The following VDAC3 variants were observed in gnomAD, a reference collection of about 807,000 sequenced individuals.
VDAC3 encodes the protein non-selective voltage-gated ion channel VDAC3.
VDAC3 carries 7 observed loss-of-function variants against 33.9 expected under a neutral mutation model. That is an observed-to-expected ratio of 0.21 (90% CI 0.12 to 0.39). VDAC3 has a LOEUF of 0.39. Ranked by LOEUF, VDAC3 falls within the 10% of genes least tolerant of loss-of-function variation. The pLI is 1.00. For synonymous variants in VDAC3, 100 were observed against 122.4 expected, an observed-to-expected ratio of 0.82 and a Z score of 1.21; for missense variants, 261 against 334.5, an observed-to-expected ratio of 0.78 and a Z score of 1.71.
At position 42,396,582 on chromosome 8, in the gene VDAC3, G is replaced by A. The variant is rs533552977; in HGVS notation, c.117+1449G>A. 4 of 666,078 alleles carry A rather than the reference G, an allele frequency of 6.0e-6. No homozygotes were observed. In the Admixed American group the frequency reaches 1.0e-4, roughly 17 times the overall value. 41.3% of individuals were successfully genotyped at this position (666,078 alleles called of 1,614,324 possible). A position where few individuals can be genotyped will look rare whatever the true frequency, so the allele number is the denominator to read the frequency against. ...GAAGAATCATTCTCATTTTGTGTAG[G>A]TTCCAGAATTTGCTCATTAGGTTTG... is the stretch of plus-strand genomic sequence containing the variant. On this transcript the variant is annotated intron_variant, in intron 4 of 9. Coordinates refer to ENST00000022615, the MANE Select transcript of VDAC3 (RefSeq NM_005662.7).
chr8:42,400,120 G>A (rs1313544410), intron 6 of VDAC3, among the ~76,000 whole-genome samples: 1 of 152,108 alleles, frequency 6.6e-6, no homozygotes, highest in African/African-American at 2.4e-5. Context: ...GGCGGATCAT[G>A]AGGTCCGGAG....
At chr8:42,394,115 A>C in intron 2 of VDAC3, 95 bp from the exon 3 acceptor site, 1 of 1,074,730 alleles carries the variant, frequency 9.3e-7, no homozygotes, top group Non-Finnish European at 1.4e-6. Context: ...AGAAAACTGT[A>C]TACCCCTTCT....
intron 3 of VDAC3, 54 bp downstream of exon 3, chr8:42,394,332 C>T: frequency 5.6e-6 from 8 of 1,441,266 alleles, no homozygotes; most frequent in Non-Finnish European, 7.8e-6. Flanking sequence ...TGTTGAATGC[C>T]TACTGTGTGT....
Position 42,395,141 on chromosome 8 carries a change from T to C in VDAC3, c.117+8T>C. 6.2e-7 allele frequency: 1 copy of C among 1,613,792 alleles called. No individual in the cohort carries two copies. The highest frequency in any genetic ancestry group is 2.2e-5 in the East Asian group (1 of 44,822). On this transcript the variant is annotated splice_region_variant and intron_variant, in intron 4 of 9. Transcript: ENST00000022615. ...AAGTCTTGTAGTGGAGTGGTGAGTATCTAATATATTTTTAATGAATGTAAC... is the reference window on the plus strand; with the variant it reads ...AAGTCTTGTAGTGGAGTGGTGAGTACCTAATATATTTTTAATGAATGTAAC...
chr8:42,404,611 A>G (rs776270777), intron 8 of VDAC3, among the ~76,000 whole-genome samples: 6 of 151,652 alleles, frequency 4.0e-5, no homozygotes, highest in Non-Finnish European at 7.4e-5. Flanking sequence ...AATCCCAGCT[A>G]CTTGGGAGGC....
chr8:42,403,299 C>G lies in VDAC3; in HGVS notation c.552-12C>G. Reference sequence around the variant, plus strand: ...CTAGATATTTATGACGTTTTCTTATCTATGAAAACAGGAACGATGGCACTG... The same window carrying G: ...CTAGATATTTATGACGTTTTCTTATGTATGAAAACAGGAACGATGGCACTG... On this transcript the variant is annotated splice_polypyrimidine_tract_variant and intron_variant, in intron 7 of 9. Coordinates refer to ENST00000022615, the MANE Select transcript of VDAC3 (RefSeq NM_005662.7). 6.2e-7 allele frequency: 1 copy of G among 1,613,406 alleles called. No homozygotes were observed. The highest frequency in any genetic ancestry group is 2.2e-5 in the East Asian group (1 of 44,848).
At chr8:42,405,281 C>CACA in intron 9 of VDAC3, 90 bp from the exon 10 acceptor site, 1 of 1,074,324 alleles carries the variant, frequency 9.3e-7, no homozygotes, top group Non-Finnish European at 1.4e-6. Context: ...AGCTACAATC[C>CACA]ACACCATTGA....
intron 5 of VDAC3, 92 bp downstream of exon 5, chr8:42,398,956 A>G: frequency 6.9e-7 from 1 of 1,458,306 alleles, no homozygotes; most frequent in Non-Finnish European, 9.3e-7. Flanking sequence ...AAGAGATCTT[A>G]CAACCTATCT....
chr8:42,400,477 C>G (rs1343082615), intron 6 of VDAC3, among the ~76,000 whole-genome samples: 1 of 151,856 alleles, frequency 6.6e-6, no homozygotes, highest in Non-Finnish European at 1.5e-5. Context: ...CTCTGTAAAT[C>G]CCCCAACTTC....
At chr8:42,393,399 G>A (rs1255307339) in intron 1 of VDAC3, among the ~76,000 whole-genome samples, 2 of 152,192 alleles carry the variant, frequency 1.3e-5, no homozygotes, top group Admixed American at 6.5e-5. Flanking sequence ...TTGAGTCTGC[G>A]AGAGGAATAC....
intron 7 of VDAC3, 110 bp from the exon 8 acceptor site, chr8:42,403,201 A>C (rs1049741417): frequency 7.5e-7 from 1 of 1,327,264 alleles, no homozygotes; most frequent in South Asian, 1.4e-5. Flanking sequence ...GCTGAAATCT[A>C]TAGTTACAAA....
chr8:42,400,910 G>A (rs1056136442), intron 6 of VDAC3, among the ~76,000 whole-genome samples: 1 of 151,704 alleles, frequency 6.6e-6, no homozygotes, highest in African/African-American at 2.4e-5. Context: ...GTTCCGCCTG[G>A]CTCGGCCTCC....
intron 6 of VDAC3, among the ~76,000 whole-genome samples, chr8:42,399,932 A>G (rs1001700985): frequency 1.3e-5 from 2 of 152,244 alleles, no homozygotes; most frequent in African/African-American, 4.8e-5. Flanking sequence ...GTATAAATGT[A>G]TTTGAGAGAG....
chr8:42,395,558 A>T (rs1337794061), intron 4 of VDAC3, among the ~76,000 whole-genome samples: 4 of 152,240 alleles, frequency 2.6e-5, no homozygotes, highest in Non-Finnish European at 5.9e-5. Context: ...TTCTGCACGT[A>T]TGCATGTACA....
intron 9 of VDAC3, among the ~76,000 whole-genome samples, 161 bp from the exon 10 acceptor site, chr8:42,405,210 A>C (rs1199267312): frequency 1.3e-5 from 2 of 152,236 alleles, no homozygotes; most frequent in Admixed American, 1.3e-4. Context: ...TCCTCATTAC[A>C]CATCAGATAG....
At chr8:42,393,690 T>G in intron 1 of VDAC3, 155 bp from the exon 2 acceptor site, 1 of 382,916 alleles carries the variant, frequency 2.6e-6, no homozygotes, top group Non-Finnish European at 4.6e-6. Flanking sequence ...AGAAGAGCTT[T>G]GAGAGAAGAT....
intron 6 of VDAC3, among the ~76,000 whole-genome samples, 161 bp downstream of exon 6, chr8:42,399,864 G>T (rs1173807396): frequency 1.3e-5 from 2 of 152,150 alleles, no homozygotes; most frequent in Non-Finnish European, 2.9e-5. Flanking sequence ...GATAAAGGAA[G>T]ATCCCTCCCC....
chr8:42,393,173 A>C (rs1824901233), intron 1 of VDAC3, among the ~76,000 whole-genome samples: 1 of 152,190 alleles, frequency 6.6e-6, no homozygotes, highest in African/African-American at 2.4e-5. Flanking sequence ...ATTCCCATTT[A>C]AGTGCATCAT....
chr8:42,396,024 A>G (rs1283828864), intron 4 of VDAC3, among the ~76,000 whole-genome samples: 1 of 149,680 alleles, frequency 6.7e-6, no homozygotes, highest in African/African-American at 2.5e-5. Context: ...TTGGGAGGCC[A>G]AGGCGGGCGG....
Sources: allele counts gnomAD v4.1 joint callset (sites outside exome capture counted in the v4.1 genomes callset), GRCh38; gene constraint gnomAD v4.1.1; transcripts MANE v1.5; gene names NCBI Gene and HGNC (gene_info 2026-07-23, HGNC 2026-07-21).